The following GRID2IP variants were observed in gnomAD, a reference collection of about 807,000 sequenced individuals.
The protein encoded by GRID2IP is Grid2 interacting protein.
GRID2IP carries 78 observed loss-of-function variants against 114.3 expected under a neutral mutation model. That is an observed-to-expected ratio of 0.68 (90% CI 0.57 to 0.82). The LOEUF (loss-of-function observed/expected upper bound fraction) is 0.82, where lower values mean the gene tolerates loss of function less well. Among genes scored for constraint, GRID2IP ranks in the 40% least tolerant of loss-of-function variants. GRID2IP has a pLI of 0.00. For missense variants in GRID2IP, 1,727 were observed against 1,678.5 expected, an observed-to-expected ratio of 1.03 and a Z score of -0.51; for synonymous variants, 809 against 724.0, an observed-to-expected ratio of 1.12 and a Z score of -1.89.
Position 6,497,683 on chromosome 7 carries a change from G to C in GRID2IP, c.*91C>G. On this transcript the variant is annotated 3_prime_UTR_variant, in exon 22 of 22. Coordinates refer to ENST00000457091, the MANE Select transcript of GRID2IP (RefSeq NM_001145118.2). ...GCTGGCGGTGTGCTCAGAGCCCGGGGCACAGTGGCCCCGGACCTCGGCAGT... is the reference window on the plus strand; with the variant it reads ...GCTGGCGGTGTGCTCAGAGCCCGGGCCACAGTGGCCCCGGACCTCGGCAGT... The C allele has an allele frequency of 4.2e-6, 4 of 943,296 alleles. No homozygotes were observed. The highest frequency in any genetic ancestry group is 6.3e-6 in the Non-Finnish European group (4 of 633,494). The allele number at this position is 943,296 out of a possible 1,614,324, so 58.4% of individuals were successfully genotyped here.
rs1779444147 is a variant in GRID2IP, at chr7:6,523,090, C to A, written c.920-1133G>T. On this transcript the variant is annotated intron_variant, in intron 4 of 21. Coordinates refer to ENST00000457091, the MANE Select transcript of GRID2IP (RefSeq NM_001145118.2). This position sits in a 1 kb window ranked among gnomAD's most constrained non-coding sequence, Gnocchi z 4.5. ...AAGTGCTGGGATTACAGGTGTGAGC[C>A]ACCACGTAGTCCTCTTTCTGCCTCT... Among the ~76,000 whole-genome samples the A allele has an allele frequency of 6.6e-6, 1 of 152,086 alleles. No homozygotes were observed. Among genetic ancestry groups the A allele is most frequent in the South Asian group, 2.1e-4 (1 of 4,822 alleles).
At chr7:6,522,084 T>A (rs1393314437) in intron 4 of GRID2IP, 127 bp from the exon 5 acceptor site, 3 of 723,532 alleles carry the variant, frequency 4.1e-6, no homozygotes, top group Non-Finnish European at 7.0e-6. Flanking sequence ...GCATGGTGGC[T>A]CACACCTGTA....
Position 6,509,287 on chromosome 7 carries a change from A to T in GRID2IP, c.1798T>A (p.Trp600Arg). The T allele has an allele frequency of 3.9e-6, 6 of 1,525,952 alleles. No homozygotes were observed. The highest frequency in any genetic ancestry group is 2.5e-5 in the South Asian group (2 of 79,450). The allele number at this position is 1,525,952 out of a possible 1,614,324, so 94.5% of individuals were successfully genotyped here. Residue 600 changes from tryptophan to arginine, a missense_variant, in exon 12 of 22, where the codon TGG (tryptophan) becomes AGG (arginine). Physicochemically the swap from Trp to Arg is moderately radical, Grantham distance 101 (BLOSUM62 -3). Transcript: ENST00000457091. This position sits in a 1 kb window ranked among gnomAD's most constrained non-coding sequence, Gnocchi z 4.9. ...TGPRTLSGVS[W>R]PSERLLPSPC... ...GAGGGCAAGAGTCGCTCGCTGGGCCATGAGACGCCGGACAGGGTCCTGGGC... is the reference window on the plus strand; with the variant it reads ...GAGGGCAAGAGTCGCTCGCTGGGCCTTGAGACGCCGGACAGGGTCCTGGGC...
At position 6,496,965 on chromosome 7, in the gene GRID2IP, C is replaced by T. The variant is rs1235659646; in HGVS notation, c.*809G>A. Among the ~76,000 whole-genome samples, 2 of 152,144 alleles carry T rather than the reference C, an allele frequency of 1.3e-5. No homozygotes were observed. The highest frequency in any genetic ancestry group is 2.9e-5 in the Non-Finnish European group (2 of 68,014). ...ACATCCCAGATTGTGTCATCTGCCCCCACACCTGCCCCGGTCTCATGACTT... is the reference window on the plus strand; with the variant it reads ...ACATCCCAGATTGTGTCATCTGCCCTCACACCTGCCCCGGTCTCATGACTT... On this transcript the variant is annotated 3_prime_UTR_variant, in exon 22 of 22. Coordinates refer to ENST00000457091, the MANE Select transcript of GRID2IP (RefSeq NM_001145118.2).
chr7:6,538,240 C>A (rs1337277442), intron 2 of GRID2IP, among the ~76,000 whole-genome samples: 1 of 151,950 alleles, frequency 6.6e-6, no homozygotes, highest in Non-Finnish European at 1.5e-5. Flanking sequence ...GTGGCACGCA[C>A]CTGAAGTCCC....
rs1211075830 is a variant in GRID2IP at position 6,528,997 on chromosome 7, C to T, written c.585-2228G>A. Reference sequence around the variant, plus strand: ...GCCTCCCAGACCTCAAGCCTCATGTCCAGGCAAAGGAGAGAAGACACACAC... The same window carrying T: ...GCCTCCCAGACCTCAAGCCTCATGTTCAGGCAAAGGAGAGAAGACACACAC... On this transcript the variant is annotated intron_variant, in intron 2 of 21. Transcript: ENST00000457091. This position sits in a 1 kb window ranked among gnomAD's most constrained non-coding sequence, Gnocchi z 6.0. Among the ~76,000 whole-genome samples the T allele has an allele frequency of 6.6e-6, 1 of 152,110 alleles. No individual in the cohort carries two copies. Among genetic ancestry groups the T allele is most frequent in the South Asian group, 2.1e-4 (1 of 4,828 alleles).
rs1165840399 is a variant in GRID2IP, at chr7:6,520,500, G to C, written c.1268+78C>G. 1 of 1,412,156 alleles carries C rather than the reference G, an allele frequency of 7.1e-7. No homozygotes were observed. The highest frequency in any genetic ancestry group is 9.6e-7 in the Non-Finnish European group (1 of 1,043,722). 87.5% of individuals were successfully genotyped at this position (1,412,156 alleles called of 1,614,324 possible). A position where few individuals can be genotyped will look rare whatever the true frequency, so the allele number is the denominator to read the frequency against. ...GAACGGGACTGAGGAGGTTCAGGCA[G>C]GGAGACTGGGATGTGAGTCTAGGCA... On this transcript the variant is annotated intron_variant, in intron 7 of 21. Transcript: ENST00000457091. The surrounding 1 kb of genome is among the most constrained non-coding windows in gnomAD (Gnocchi z 4.6).
rs758738031 is a variant in GRID2IP at position 6,520,645 on chromosome 7, C to G, written c.1201G>C (p.Glu401Gln). 1.3e-6 allele frequency: 2 copies of G among 1,551,734 alleles called. No individual in the cohort carries two copies. The highest frequency in any genetic ancestry group is 8.7e-7 in the Non-Finnish European group (1 of 1,147,000). Reference protein sequence around the residue: ...VQGRTFSQQLEHLLTPPERYG... With the variant: ...VQGRTFSQQLQHLLTPPERYG... Reference sequence around the variant, plus strand: ...CGCTCAGGAGGTGTGAGTAGGTGCTCCAGCTGCTGGCTGAAGGTCCTCCCT... The same window carrying G: ...CGCTCAGGAGGTGTGAGTAGGTGCTGCAGCTGCTGGCTGAAGGTCCTCCCT... The change falls in exon 7 of 22, where the codon GAG becomes CAG. Residue 401 changes from glutamate to glutamine, a missense_variant. Coordinates refer to ENST00000457091, the MANE Select transcript of GRID2IP (RefSeq NM_001145118.2). This position sits in a 1 kb window ranked among gnomAD's most constrained non-coding sequence, Gnocchi z 4.6.
In GRID2IP at chr7:6,536,857, C is replaced by T. The variant is rs1287157884; in HGVS notation, c.584+2861G>A. The T allele has an allele frequency of 3.3e-5, 15 of 449,970 alleles. No homozygotes were observed. Among genetic ancestry groups the T allele is most frequent in the Non-Finnish European group, 5.5e-5 (13 of 235,254 alleles). The allele number at this position is 449,970 out of a possible 1,614,324, so 27.9% of individuals were successfully genotyped here. A position where few individuals can be genotyped will look rare whatever the true frequency, so the allele number is the denominator to read the frequency against. On this transcript the variant is annotated intron_variant, in intron 2 of 21. Transcript: ENST00000457091. This position sits in a 1 kb window ranked among gnomAD's most constrained non-coding sequence, Gnocchi z 5.3. ...CCAGGCAGCTCATGGTGGCCTCTTT[C>T]GGTGGTGGTCGCCTATGCTCCGCTG... is the stretch of plus-strand genomic sequence containing the variant.
intron 8 of GRID2IP, 98 bp downstream of exon 8, chr7:6,514,277 A>C: frequency 1.8e-6 from 2 of 1,119,828 alleles, no homozygotes; most frequent in Non-Finnish European, 2.4e-6. Flanking sequence ...AAGCAAACAA[A>C]CACCTTCACA....
At chr7:6,550,183 G>T (rs776208051) in intron 1 of GRID2IP, among the ~76,000 whole-genome samples, 8 of 151,712 alleles carry the variant, frequency 5.3e-5, no homozygotes, top group East Asian at 3.9e-4. Flanking sequence ...TGTAGAGATG[G>T]TGTCTCATTA....
Position 6,504,661 on chromosome 7 carries a change from C to A in GRID2IP, c.2710+132G>T, listed in dbSNP as rs1229658991. ...CTGGCTATGGGGCCTGGGAGGGGGC[C>A]TTCACCGCGCTGAGCGACAGGAGGC... On this transcript the variant is annotated intron_variant, in intron 15 of 21. Coordinates refer to ENST00000457091, the MANE Select transcript of GRID2IP (RefSeq NM_001145118.2). 76 of 706,478 alleles carry A rather than the reference C, an allele frequency of 1.1e-4. 2 individuals carry two copies. In the South Asian group the frequency reaches 1.1e-3, roughly 10 times the overall value. 43.8% of individuals were successfully genotyped at this position (706,478 alleles called of 1,614,324 possible).
intron 20 of GRID2IP, among the ~76,000 whole-genome samples, chr7:6,501,248 G>A (rs1786406333): frequency 6.6e-6 from 1 of 152,212 alleles, no homozygotes; most frequent in African/African-American, 2.4e-5. Flanking sequence ...CTACTTGGGA[G>A]GCTGAGGCAG....
Position 6,526,239 on chromosome 7 carries a change from CG to C in GRID2IP, c.903del (p.Ile301MetfsTer29). 1 of 1,551,926 alleles carries C rather than the reference CG, an allele frequency of 6.4e-7. No individual in the cohort carries two copies. Among genetic ancestry groups the C allele is most frequent in the South Asian group, 1.2e-5 (1 of 84,054 alleles). On this transcript the variant is annotated frameshift_variant, in exon 4 of 22. Transcript: ENST00000457091. LOFTEE classifies it high-confidence loss of function. The surrounding 1 kb of genome is among the most constrained non-coding windows in gnomAD (Gnocchi z 7.6). Reference protein sequence around the residue: ...FTLRGHGPVWIESVLPGSPAD... With the variant: ...FTLRGHGPVWXESVLPGSPAD... ...CACCCCTCACCAGGCAGGACAGACT[CG>C]ATCCAGACAGGCCCGTGGCCGCGAA...
rs558903732 is a variant in GRID2IP at position 6,512,095 on chromosome 7, T to A, written c.1424-1056A>T. On this transcript the variant is annotated intron_variant, in intron 8 of 21. Coordinates refer to ENST00000457091, the MANE Select transcript of GRID2IP (RefSeq NM_001145118.2). ...GCTAAATTTTTGTATTTTTTTTTTT[T>A]AAGCAGAGATGGGGTTTCACCATAT... is the stretch of plus-strand genomic sequence containing the variant. Among the ~76,000 whole-genome samples, 155 of 151,210 alleles carry A rather than the reference T, an allele frequency of 1.0e-3. 5 individuals carry two copies. The highest frequency in any genetic ancestry group is 3.5e-3 in the African/African-American group (145 of 41,232).
chr7:6,507,984 C>T lies in GRID2IP; in HGVS notation c.2544+1G>A. The T allele has an allele frequency of 6.5e-7, 1 of 1,550,024 alleles. No homozygotes were observed. The highest frequency in any genetic ancestry group is 8.7e-7 in the Non-Finnish European group (1 of 1,146,776). On this transcript the variant is annotated splice_donor_variant, in intron 13 of 21. Coordinates refer to ENST00000457091, the MANE Select transcript of GRID2IP (RefSeq NM_001145118.2). LOFTEE classifies it high-confidence loss of function. This position sits in a 1 kb window ranked among gnomAD's most constrained non-coding sequence, Gnocchi z 5.3. ...GCGCTGCTGGGTCCCAGGTCACCTA[C>T]CTGACCCCAGATGGTGCCTTCTGAG... is the stretch of plus-strand genomic sequence containing the variant.
At position 6,508,151 on chromosome 7, in the gene GRID2IP, T is replaced by G; in HGVS notation, c.2378A>C (p.His793Pro). ...CGGTGGGGGTGGTGGAGGGACTGGG[T>G]GGCTGAGTTGGGTGAGGGGCTTGGC... ...ALAKPLTQLS[H>P]PVPPPPPPPL... is the part of the protein sequence containing the mutation. Residue 793 changes from histidine (H) to proline (P), a missense_variant, in exon 13 of 22, where the codon CAC (histidine) becomes CCC (proline). Physicochemically the swap from His to Pro is moderately conservative, Grantham distance 77. Coordinates refer to ENST00000457091, the MANE Select transcript of GRID2IP (RefSeq NM_001145118.2). The surrounding 1 kb of genome is among the most constrained non-coding windows in gnomAD (Gnocchi z 5.6). 6.6e-7 allele frequency: 1 copy of G among 1,506,970 alleles called. No individual in the cohort carries two copies. Among genetic ancestry groups the G allele is most frequent in the Non-Finnish European group, 8.9e-7 (1 of 1,128,248 alleles). The allele number at this position is 1,506,970 out of a possible 1,614,324, so 93.3% of individuals were successfully genotyped here. A position where few individuals can be genotyped will look rare whatever the true frequency, so the allele number is the denominator to read the frequency against.
intron 1 of GRID2IP, among the ~76,000 whole-genome samples, chr7:6,546,729 C>T (rs1260835384): frequency 6.6e-6 from 1 of 152,102 alleles, no homozygotes; most frequent in Non-Finnish European, 1.5e-5. Context: ...CCAGAAAACA[C>T]ACTGCAGCTG....
At chr7:6,543,156 A>G (rs1237497554) in intron 1 of GRID2IP, among the ~76,000 whole-genome samples, 1 of 152,106 alleles carries the variant, frequency 6.6e-6, no homozygotes, top group Non-Finnish European at 1.5e-5. Context: ...GCACTTTGGG[A>G]GGCGAAGGTG....
Sources: gnomAD v4.1 joint callset for allele counts (sites outside exome capture counted in the v4.1 genomes callset) on GRCh38, gnomAD v4.1.1 for gene constraint, Gnocchi (gnomAD v3.1) non-coding constraint, MANE v1.5 for transcripts, NCBI Gene and HGNC (gene_info 2026-07-23, HGNC 2026-07-21) for gene names.